The following MNX1 variants were observed in gnomAD, a reference collection of about 807,000 sequenced individuals.
The protein encoded by MNX1 is motor neuron and pancreas homeobox protein 1.
In MNX1, 2 loss-of-function variants were observed where a neutral mutation model predicts 17.3. The ratio of observed to expected loss-of-function variants is 0.12; its 90% confidence interval spans 0.05 to 0.36. MNX1 has a LOEUF of 0.36. Ranked by LOEUF, MNX1 falls within the 10% of genes least tolerant of loss-of-function variation. MNX1 has a pLI of 1.00. For synonymous variants in MNX1, 306 were observed against 283.1 expected, an observed-to-expected ratio of 1.08 and a Z score of -0.81; for missense variants, 556 against 564.7, an observed-to-expected ratio of 0.98 and a Z score of 0.16.
Position 157,008,992 on chromosome 7 carries a change from C to G in MNX1, c.691+668G>C, listed in dbSNP as rs146062190. 4.5e-3 allele frequency: 6,992 copies of G among 1,537,074 alleles called. 26 individuals are homozygous for G. Among genetic ancestry groups the G allele is most frequent in the Non-Finnish European group, 5.4e-3 (6,141 of 1,146,842 alleles). ...CTCGGCCCCACCTTGGAGGGGCATT[C>G]GTTACCTTGTTGGGCGCCCAGGATT... On this transcript the variant is annotated intron_variant, in intron 1 of 2. Transcript: ENST00000252971.
intron 1 of MNX1, chr7:157,008,621 T>A (rs1805646616): frequency 4.0e-6 from 1 of 247,830 alleles, no homozygotes; most frequent in African/African-American, 2.2e-5. Flanking sequence ...TCTGGAGTGT[T>A]TATTTCTGTT....
In MNX1 at chr7:157,005,497, G is replaced by T; in HGVS notation, c.*23C>A. ...CCGGCCGGGGCGCTCCGTGCGCGCC[G>T]CACCTGCTGGGCCGCGGGGCTCCTA... is the stretch of plus-strand genomic sequence containing the variant. On this transcript the variant is annotated 3_prime_UTR_variant, in exon 3 of 3. Transcript: ENST00000252971. The T allele has an allele frequency of 7.5e-7, 1 of 1,341,778 alleles. No individual in the cohort carries two copies. Among genetic ancestry groups the T allele is most frequent in the Non-Finnish European group, 9.5e-7 (1 of 1,053,688 alleles). 83.1% of individuals were successfully genotyped at this position (1,341,778 alleles called of 1,614,324 possible). A position where few individuals can be genotyped will look rare whatever the true frequency, so the allele number is the denominator to read the frequency against.
chr7:157,006,626 C>G lies in MNX1; in HGVS notation c.705G>C (p.Ser235=), dbSNP rs1318524729. 6.3e-7 allele frequency: 1 copy of G among 1,596,222 alleles called. No individual in the cohort carries two copies. Among genetic ancestry groups the G allele is most frequent in the Non-Finnish European group, 8.5e-7 (1 of 1,173,118 alleles). Residue 235 remains serine, a synonymous_variant, in exon 2 of 3, where the codon TCG becomes TCC. Transcript: ENST00000252971. The surrounding 1 kb of genome is among the most constrained non-coding windows in gnomAD (Gnocchi z 6.3). ...KMPDFNSQAQ[S]NLLGKCRRPR... ...GCCGGCGGCACTTCCCCAGGAGGTT[C>G]GACTGCGCCTGGGCTGGGGACCAAA...
In MNX1 at chr7:157,010,063, G is replaced by A; in HGVS notation, c.288C>T (p.Phe96=). Residue 96 remains phenylalanine, a synonymous_variant, in exon 1 of 3, where the codon TTC becomes TTT. Transcript: ENST00000252971. The part of the protein sequence containing the change: ...AHCALLPKPG[F]LGAGGGGGGT... Reference sequence around the variant, plus strand: ...CGCCGCCGCCGCCGCCCGCGCCCAGGAAGCCCGGCTTGGGCAGCAGCGCGC... The same window carrying A: ...CGCCGCCGCCGCCGCCCGCGCCCAGAAAGCCCGGCTTGGGCAGCAGCGCGC... The A allele has an allele frequency of 1.0e-6, 1 of 999,450 alleles. No individual in the cohort carries two copies. Among genetic ancestry groups the A allele is most frequent in the Non-Finnish European group, 1.2e-6 (1 of 841,682 alleles). The allele number at this position is 999,450 out of a possible 1,614,324, so 61.9% of individuals were successfully genotyped here.
Position 157,005,481 on chromosome 7 carries a change from G to T in MNX1, c.*39C>A. ...CCTCCGGGAGAAGCCGCCGGCCGGG[G>T]CGCTCCGTGCGCGCCGCACCTGCTG... is the stretch of plus-strand genomic sequence containing the variant. On this transcript the variant is annotated 3_prime_UTR_variant, in exon 3 of 3. Coordinates refer to ENST00000252971, the MANE Select transcript of MNX1 (RefSeq NM_005515.4). 8.0e-7 allele frequency: 1 copy of T among 1,249,232 alleles called. No individual in the cohort carries two copies. Among genetic ancestry groups the T allele is most frequent in the South Asian group, 3.5e-5 (1 of 28,446 alleles). The allele number at this position is 1,249,232 out of a possible 1,614,324, so 77.4% of individuals were successfully genotyped here. A position where few individuals can be genotyped will look rare whatever the true frequency, so the allele number is the denominator to read the frequency against.
intron 1 of MNX1, chr7:157,008,693 C>G: frequency 2.2e-6 from 1 of 455,276 alleles, no homozygotes; most frequent in Non-Finnish European, 3.9e-6. Context: ...TCCACTCAGA[C>G]AGAAACAATG....
chr7:157,008,720 G>A, intron 1 of MNX1: 1 of 488,256 alleles, frequency 2.0e-6, no homozygotes, highest in Non-Finnish European at 3.6e-6. Flanking sequence ...CTTTGTTTGG[G>A]TGTTCGGCGG....
chr7:157,009,073 C>A (rs1046887170), intron 1 of MNX1: 2 of 1,536,710 alleles, frequency 1.3e-6, no homozygotes, highest in Non-Finnish European at 1.7e-6. Context: ...AGCCAGGCCA[C>A]CTGCCTCGGC....
At chr7:157,008,766 G>T in intron 1 of MNX1, 2 of 580,364 alleles carry the variant, frequency 3.4e-6, no homozygotes, top group South Asian at 4.5e-5. Flanking sequence ...TGCTCGGCCC[G>T]ACTCATAAGT....
intron 1 of MNX1, chr7:157,009,292 TA>T: frequency 7.0e-7 from 1 of 1,419,494 alleles, no homozygotes; most frequent in Non-Finnish European, 9.2e-7. Context: ...TCCCCGGTGA[TA>T]AGCCCTGACC....
In MNX1 at chr7:157,010,541, C is replaced by G; in HGVS notation, c.-191G>C. On this transcript the variant is annotated 5_prime_UTR_variant, in exon 1 of 3. Transcript: ENST00000252971. Reference sequence around the variant, plus strand: ...GGTCCCGGCGCCTCCTCCGTGCGGGCCCCGCCCCGGGCCGCGCTCGCACAA... The same window carrying G: ...GGTCCCGGCGCCTCCTCCGTGCGGGGCCCGCCCCGGGCCGCGCTCGCACAA... The G allele has an allele frequency of 2.5e-6, 1 of 395,762 alleles. No individual in the cohort carries two copies. The highest frequency in any genetic ancestry group is 2.1e-5 in the African/African-American group (1 of 47,844). The allele number at this position is 395,762 out of a possible 1,614,324, so 24.5% of individuals were successfully genotyped here.
rs1805662296 is a variant in MNX1 at position 157,009,295 on chromosome 7, G to A, written c.691+365C>T. 3 of 1,421,062 alleles carry A rather than the reference G, an allele frequency of 2.1e-6. No individual in the cohort carries two copies. In the East Asian group the frequency reaches 7.7e-5, roughly 37 times the overall value. The allele number at this position is 1,421,062 out of a possible 1,614,324, so 88.0% of individuals were successfully genotyped here. On this transcript the variant is annotated intron_variant, in intron 1 of 2. Coordinates refer to ENST00000252971, the MANE Select transcript of MNX1 (RefSeq NM_005515.4). ...CCCAAGTTCCTTTCCCCGGTGATAA[G>A]CCCTGACCCCCATTCCCGGGCCTGC...
In MNX1 at chr7:157,010,449, G is replaced by A. The variant is rs1334297157; in HGVS notation, c.-99C>T. ...CGTGCGGTGCAAGCCCGGGGGCTCG[G>A]TATTGTTATGGTGGTTATTTGCCAA... is the stretch of plus-strand genomic sequence containing the variant. On this transcript the variant is annotated 5_prime_UTR_variant, in exon 1 of 3. Transcript: ENST00000252971. The A allele has an allele frequency of 1.0e-5, 8 of 798,932 alleles. No individual in the cohort carries two copies. Among genetic ancestry groups the A allele is most frequent in the Non-Finnish European group, 1.5e-5 (8 of 540,578 alleles). 49.5% of individuals were successfully genotyped at this position (798,932 alleles called of 1,614,324 possible).
rs547510083 is a variant in MNX1 at position 157,005,808 on chromosome 7, C to T, written c.918G>A (p.Ala306=). The T allele has an allele frequency of 1.2e-6, 2 of 1,612,212 alleles. No homozygotes were observed. Among genetic ancestry groups the T allele is most frequent in the African/African-American group, 1.3e-5 (1 of 75,048 alleles). Residue 306 remains alanine, a synonymous_variant, in exon 3 of 3, where the codon GCG becomes GCA. Transcript: ENST00000252971. The part of the protein sequence containing the change: ...WKRSKKAKEQ[A]AQEAEKQKGG... The stretch of plus-strand genomic sequence containing the variant: ...CCTTCTGTTTCTCCGCTTCCTGCGC[C>T]GCCTGCTCTTTGGCCTTTTTGCTGC...
At chr7:157,005,941 C>G (rs1052507302) in intron 2 of MNX1, 68 bp from the exon 3 acceptor site, 4 of 1,582,248 alleles carry the variant, frequency 2.5e-6, no homozygotes, top group Non-Finnish European at 3.4e-6. Flanking sequence ...CCGGAGTCCC[C>G]CGGCCGCGTG....
At chr7:157,008,827 A>T in intron 1 of MNX1, 2 of 653,690 alleles carry the variant, frequency 3.1e-6, no homozygotes, top group Non-Finnish European at 5.2e-6. Flanking sequence ...AGAGAGCCAG[A>T]GCCCCGGAGC....
At chr7:157,009,332 C>A (rs1412084323) in intron 1 of MNX1, 48 of 1,414,924 alleles carry the variant, frequency 3.4e-5, no homozygotes, top group Non-Finnish European at 4.3e-5. Flanking sequence ...TAATTCAGGG[C>A]GCTCTCGGCT....
intron 1 of MNX1, 28 bp downstream of exon 1, chr7:157,009,632 G>GC: frequency 2.5e-6 from 4 of 1,602,956 alleles, no homozygotes; most frequent in Non-Finnish European, 3.4e-6. Flanking sequence ...CCCGCCACGC[G>GC]CATCCACGGG....
In MNX1 at chr7:157,009,740, C is replaced by T. The variant is rs1476507669; in HGVS notation, c.611G>A (p.Gly204Asp). The T allele has an allele frequency of 1.2e-6, 2 of 1,607,430 alleles. No homozygotes were observed. The highest frequency in any genetic ancestry group is 1.7e-6 in the Non-Finnish European group (2 of 1,178,646). Residue 204 changes from glycine to aspartate, a missense_variant, in exon 1 of 3, where the codon GGC (glycine) becomes GAC (aspartate). Gly to Asp is a moderately conservative substitution (Grantham distance 94, BLOSUM62 -1). Transcript: ENST00000252971. ...CTGGTCCAGCTGGAAGGTGCCGGCGCCCAGCTTGATGGGGTCGGCGGGGTG... is the reference window on the plus strand; with the variant it reads ...CTGGTCCAGCTGGAAGGTGCCGGCGTCCAGCTTGATGGGGTCGGCGGGGTG... ...PAHPADPIKL[G>D]AGTFQLDQWL...
Sources: allele counts gnomAD v4.1 joint callset, GRCh38; gene constraint gnomAD v4.1.1; non-coding constraint Gnocchi (gnomAD v3.1); transcripts MANE v1.5; gene names NCBI Gene and HGNC (gene_info 2026-07-23, HGNC 2026-07-21).